The following CNTNAP4 variants were observed in gnomAD, a reference collection of about 807,000 sequenced individuals.
CNTNAP4 encodes the protein contactin associated protein family member 4, also known as contactin-associated protein-like 4.
A neutral mutation model predicts 148.4 loss-of-function variants in CNTNAP4; 98 were observed. The ratio of observed to expected loss-of-function variants is 0.66; its 90% CI spans 0.56 to 0.78. The LOEUF (loss-of-function observed/expected upper bound fraction) is 0.78, where lower values mean the gene tolerates loss of function less well. Among genes scored for constraint, CNTNAP4 ranks in the 30% least tolerant of loss-of-function variants. CNTNAP4 has a pLI of 0.00. For missense variants in CNTNAP4, 1,935 were observed against 1,565.6 expected, an observed-to-expected ratio of 1.24 and a Z score of -3.98; for synonymous variants, 730 against 565.1, an observed-to-expected ratio of 1.29 and a Z score of -4.14.
At chr16:76,335,816 G>A (rs1464054137) in intron 2 of CNTNAP4, among the ~76,000 whole-genome samples, 1 of 152,164 alleles carries the variant, frequency 6.6e-6, no homozygotes, top group Non-Finnish European at 1.5e-5. Context: ...AGCACAGGAG[G>A]TAGAGGCAGT....
chr16:76,412,192 C>T (rs1366164047), intron 3 of CNTNAP4, among the ~76,000 whole-genome samples: 3 of 151,086 alleles, frequency 2.0e-5, no homozygotes, highest in African/African-American at 7.3e-5. Flanking sequence ...AAAGTATAAA[C>T]AATACAATTA....
chr16:76,311,071 C>G (rs1296189892), intron 1 of CNTNAP4, among the ~76,000 whole-genome samples: 1 of 152,014 alleles, frequency 6.6e-6, no homozygotes, highest in Non-Finnish European at 1.5e-5. Flanking sequence ...GCACTGAGAA[C>G]GTAGCACCTA....
intron 3 of CNTNAP4, among the ~76,000 whole-genome samples, chr16:76,423,906 T>A (rs12922932): frequency 0.091 from 13,834 of 152,138 alleles, 784 homozygotes; most frequent in Middle Eastern, 0.14. Context: ...TATACACTCT[T>A]CCTATGTGTG....
At chr16:76,551,019 G>C (rs868364843) in intron 21 of CNTNAP4, among the ~76,000 whole-genome samples, 17 of 152,166 alleles carry the variant, frequency 1.1e-4, no homozygotes, top group Middle Eastern at 3.2e-3. Flanking sequence ...TCTTTTTATA[G>C]AGGATGATAT....
At chr16:76,523,116 T>C (rs1051293890) in intron 17 of CNTNAP4, among the ~76,000 whole-genome samples, 4 of 152,014 alleles carry the variant, frequency 2.6e-5, no homozygotes, top group Non-Finnish European at 5.9e-5. Flanking sequence ...AGCTTATTTA[T>C]TTATTATCTT....
chr16:76,450,159 T>C (rs1413294948), intron 7 of CNTNAP4, among the ~76,000 whole-genome samples: 1 of 152,154 alleles, frequency 6.6e-6, no homozygotes, highest in Non-Finnish European at 1.5e-5. Context: ...TATTTTTTTT[T>C]TCTTTTTTGA....
intron 1 of CNTNAP4, among the ~76,000 whole-genome samples, chr16:76,299,875 A>T (rs9924718): frequency 6.6e-6 from 1 of 152,054 alleles, no homozygotes; most frequent in African/African-American, 2.4e-5. Flanking sequence ...AACCATCATT[A>T]TCAGCAAACT....
chr16:76,494,264 T>G (rs2082325175), intron 13 of CNTNAP4, among the ~76,000 whole-genome samples: 1 of 152,144 alleles, frequency 6.6e-6, no homozygotes, highest in Non-Finnish European at 1.5e-5. Flanking sequence ...TGAGGGAAAC[T>G]TCCATTGAGT....
chr16:76,538,252 T>C lies in CNTNAP4; in HGVS notation c.3132T>C (p.Phe1044=). ...DMKLSREMIK[F]SFRTTRTPSL... is the part of the protein sequence containing the mutation. ...AGCTGAGCAGAGAAATGATCAAATT[T>C]AGTTTCCGAACAACACGAACACCAA... Residue 1044 remains phenylalanine (F), a synonymous_variant, in exon 19 of 24, where the codon TTT becomes TTC. Coordinates refer to ENST00000611870, the MANE Select transcript of CNTNAP4 (RefSeq NM_033401.5). 1 of 1,611,256 alleles carries C rather than the reference T, an allele frequency of 6.2e-7. No homozygotes were observed. Among genetic ancestry groups the C allele is most frequent in the Non-Finnish European group, 8.5e-7 (1 of 1,178,950 alleles).
At chr16:76,423,141 C>T (rs555062289) in intron 3 of CNTNAP4, among the ~76,000 whole-genome samples, 145 of 152,260 alleles carry the variant, frequency 9.5e-4, no homozygotes, top group Admixed American at 2.4e-3. Flanking sequence ...TTGGACTTTC[C>T]AGCCTCCAGA....
At chr16:76,395,112 C>T (rs546184135) in intron 3 of CNTNAP4, among the ~76,000 whole-genome samples, 1 of 152,268 alleles carries the variant, frequency 6.6e-6, no homozygotes, top group East Asian at 1.9e-4. Context: ...ACCATCATGA[C>T]AATCAATGGA....
At chr16:76,549,687 A>G (rs2084884153) in intron 21 of CNTNAP4, among the ~76,000 whole-genome samples, 2 of 152,176 alleles carry the variant, frequency 1.3e-5, no homozygotes, top group Non-Finnish European at 2.9e-5. Flanking sequence ...CCCAAACAAA[A>G]AATATAACAG....
chr16:76,558,807 C>A lies in CNTNAP4; in HGVS notation c.*124C>A. On this transcript the variant is annotated 3_prime_UTR_variant, in exon 24 of 24. Transcript: ENST00000611870. ...GTGGGCTTGCAGCACTGCCATCTTG[C>A]CATGTACAGGCTTGGGGTGGCTCCA... 1 of 687,324 alleles carries A rather than the reference C, an allele frequency of 1.5e-6. No homozygotes were observed. Among genetic ancestry groups the A allele is most frequent in the Non-Finnish European group, 2.4e-6 (1 of 421,482 alleles). The allele number at this position is 687,324 out of a possible 1,614,324, so 42.6% of individuals were successfully genotyped here. A position where few individuals can be genotyped will look rare whatever the true frequency, so the allele number is the denominator to read the frequency against.
At chr16:76,496,360 A>G (rs1248691404) in intron 14 of CNTNAP4, among the ~76,000 whole-genome samples, 1 of 152,156 alleles carries the variant, frequency 6.6e-6, no homozygotes, top group Non-Finnish European at 1.5e-5. Flanking sequence ...TGCCTCCATA[A>G]CATATTGCTA....
intron 3 of CNTNAP4, among the ~76,000 whole-genome samples, chr16:76,394,344 A>G (rs994565006): frequency 6.6e-6 from 1 of 152,198 alleles, no homozygotes; most frequent in African/African-American, 2.4e-5. Context: ...AAGTACACTC[A>G]CACGTACACA....
intron 3 of CNTNAP4, among the ~76,000 whole-genome samples, chr16:76,422,377 C>T (rs2145007224): frequency 7.0e-6 from 1 of 142,280 alleles, no homozygotes; most frequent in Non-Finnish European, 1.5e-5. Context: ...TTTTTGACTC[C>T]AATAATTTTG....
chr16:76,553,254 A>G, intron 21 of CNTNAP4, 29 bp from the exon 22 acceptor site: 1 of 1,421,874 alleles, frequency 7.0e-7, no homozygotes, highest in African/African-American at 1.4e-5. Flanking sequence ...TTTCACTACT[A>G]ATATTTCGGT....
intron 17 of CNTNAP4, among the ~76,000 whole-genome samples, chr16:76,531,971 C>T (rs1222209073): frequency 6.6e-6 from 1 of 152,182 alleles, no homozygotes; most frequent in East Asian, 1.9e-4. Flanking sequence ...GCATATATTT[C>T]ACATGTATAT....
At chr16:76,526,921 C>G (rs1368338010) in intron 17 of CNTNAP4, among the ~76,000 whole-genome samples, 2 of 152,012 alleles carry the variant, frequency 1.3e-5, no homozygotes, top group African/African-American at 2.4e-5. Flanking sequence ...GGCTCCACCC[C>G]CCTCAGCCTC....
Sources: allele counts gnomAD v4.1 joint callset (sites outside exome capture counted in the v4.1 genomes callset), GRCh38; gene constraint gnomAD v4.1.1; transcripts MANE v1.5; gene names NCBI Gene and HGNC (gene_info 2026-07-23, HGNC 2026-07-21).